ACER1: variants seen among roughly 807,000 people sequenced by gnomAD.
The protein encoded by ACER1 is alkaline ceramidase 1.
A neutral mutation model predicts 24.9 loss-of-function variants in ACER1; 28 were observed. The ratio of observed to expected loss-of-function variants is 1.13; its 90% CI spans 0.83 to 1.54. The LOEUF (loss-of-function observed/expected upper bound fraction) is 1.54, where lower values mean the gene tolerates loss of function less well. Among genes scored for constraint, ACER1 ranks in the 40% most tolerant of loss-of-function variants. ACER1 has a pLI of 0.00. For synonymous variants in ACER1, 132 were observed against 131.4 expected (o/e 1.00, Z -0.03); for missense variants, 352 against 349.3 (o/e 1.01, Z -0.06).
Position 6,314,282 on chromosome 19 carries a change from C to A in ACER1, c.94-1783G>T, listed in dbSNP as rs979086662. 2.0e-5 allele frequency among the ~76,000 whole-genome samples: 3 copies of A among 151,728 alleles called. No individual in the cohort carries two copies. In the Admixed American group the frequency reaches 2.0e-4, roughly 10 times the overall value. On this transcript the variant is annotated intron_variant, in intron 1 of 5. Coordinates refer to ENST00000301452, the MANE Select transcript of ACER1 (RefSeq NM_133492.3). ...GTCAGGAGTTTGAAACCAGCCAGGG[C>A]AACATGGTGAAATCCCATCTCTACT...
intron 4 of ACER1, among the ~76,000 whole-genome samples, chr19:6,309,288 G>A (rs2091565874): frequency 6.6e-6 from 1 of 152,172 alleles, no homozygotes; most frequent in Admixed American, 6.5e-5. Context: ...GGAGGCTGAG[G>A]TGGGTGGATC....
At chr19:6,357,769 A>G in the ACER1 span, among the ~76,000 whole-genome samples, 998 of 152,180 alleles carry the variant, frequency 6.6e-3, 5 homozygotes, top group African/African-American at 0.023. Context: ...TCTCAAAAAA[A>G]AAAAAAAATT....
intron 1 of ACER1, among the ~76,000 whole-genome samples, chr19:6,322,833 G>T (rs560046238): frequency 3.3e-5 from 5 of 152,194 alleles, no homozygotes; most frequent in African/African-American, 1.2e-4. Flanking sequence ...AGTTTCAGCC[G>T]GGCGTGGTGG....
At chr19:6,339,339 C>G in the ACER1 span, among the ~76,000 whole-genome samples, 2 of 152,040 alleles carry the variant, frequency 1.3e-5, no homozygotes, top group African/African-American at 4.8e-5. Context: ...TTGAGGACAT[C>G]AAGCTGGGTG....
At chr19:6,343,124 G>A in the ACER1 span, among the ~76,000 whole-genome samples, 4 of 152,314 alleles carry the variant, frequency 2.6e-5, no homozygotes, top group African/African-American at 9.6e-5. Flanking sequence ...GTGAGGATGG[G>A]AAGTGGGGGA....
At chr19:6,332,048 C>A (rs760704493) in intron 1 of ACER1, among the ~76,000 whole-genome samples, 3 of 148,954 alleles carry the variant, frequency 2.0e-5, no homozygotes, top group Non-Finnish European at 4.4e-5. Flanking sequence ...CTCATTGAAA[C>A]CTCCGCCTCC....
At chr19:6,340,316 G>C in the ACER1 span, among the ~76,000 whole-genome samples, 1 of 38,076 alleles carries the variant, frequency 2.6e-5, no homozygotes, top group Non-Finnish European at 5.2e-5. Flanking sequence ...AGGAAGGAAG[G>C]AAGGAAGGAA....
chr19:6,309,599 G>A (rs2091567542), intron 4 of ACER1, 98 bp downstream of exon 4: 1 of 1,482,270 alleles, frequency 6.7e-7, no homozygotes, highest in Admixed American at 1.8e-5. Context: ...GTTAGTGGGT[G>A]ATCTTGGAGA....
chr19:6,307,007 C>G, intron 5 of ACER1, 125 bp from the exon 6 acceptor site: 1 of 1,488,530 alleles, frequency 6.7e-7, no homozygotes, highest in Middle Eastern at 2.1e-4. Flanking sequence ...GGCCCCGTGA[C>G]TGCAGCCTTC....
chr19:6,347,254 T>C, the ACER1 span, among the ~76,000 whole-genome samples: 1 of 146,080 alleles, frequency 6.8e-6, no homozygotes, highest in East Asian at 2.1e-4. Context: ...AGAATCTCAC[T>C]TTGTCATCCA....
At chr19:6,334,816 G>A (rs2091706171), upstream of ACER1, among the ~76,000 whole-genome samples, 1 of 151,484 alleles carries the variant, frequency 6.6e-6, no homozygotes, top group South Asian at 2.1e-4. Flanking sequence ...GCTAGAGTAG[G>A]CACTTGATGG....
At chr19:6,352,587 C>T in the ACER1 span, among the ~76,000 whole-genome samples, 1 of 152,172 alleles carries the variant, frequency 6.6e-6, no homozygotes, top group African/African-American at 2.4e-5. Flanking sequence ...TTACACAGCA[C>T]TAACTAACTG....
At chr19:6,358,672 G>C in the ACER1 span, among the ~76,000 whole-genome samples, 2 of 150,376 alleles carry the variant, frequency 1.3e-5, no homozygotes, top group Non-Finnish European at 3.0e-5. Flanking sequence ...AGTGGCTCAC[G>C]CCTGTAATCC....
chr19:6,309,883 T>C, intron 3 of ACER1, 49 bp from the exon 4 acceptor site: 3 of 1,608,968 alleles, frequency 1.9e-6, no homozygotes, highest in Non-Finnish European at 1.7e-6. Flanking sequence ...GTCCTGGGAT[T>C]GTAGGCATGG....
the ACER1 span, among the ~76,000 whole-genome samples, chr19:6,356,621 C>T: frequency 8.0e-4 from 121 of 151,944 alleles, no homozygotes; most frequent in African/African-American, 2.7e-3. Flanking sequence ...TTATAATGAT[C>T]TCGCTTTTCT....
the ACER1 span, among the ~76,000 whole-genome samples, chr19:6,348,994 T>C: frequency 6.6e-6 from 1 of 151,692 alleles, no homozygotes; most frequent in Admixed American, 6.6e-5. Context: ...AGGCGCGGGT[T>C]GCAGTGAGCT....
At chr19:6,338,202 C>G (rs916743232), upstream of ACER1, among the ~76,000 whole-genome samples, 32 of 152,204 alleles carry the variant, frequency 2.1e-4, no homozygotes, top group Admixed American at 3.9e-4. Flanking sequence ...TCCTAGCTCA[C>G]AGCAATGTCA....
chr19:6,354,837 T>A, the ACER1 span, among the ~76,000 whole-genome samples: 1 of 152,064 alleles, frequency 6.6e-6, no homozygotes, highest in Middle Eastern at 3.4e-3. Context: ...ACGGTCTCCC[T>A]CTCCCTCTCT....
the ACER1 span, among the ~76,000 whole-genome samples, chr19:6,351,253 C>G: frequency 6.6e-6 from 1 of 151,894 alleles, no homozygotes. Context: ...GTTGTCCCAG[C>G]TACGCAGGAG....
Sources: allele counts gnomAD v4.1 joint callset (sites outside exome capture counted in the v4.1 genomes callset), GRCh38; gene constraint gnomAD v4.1.1; transcripts MANE v1.5; gene names NCBI Gene and HGNC (gene_info 2026-07-23, HGNC 2026-07-21).